CEP162: variants seen among roughly 807,000 people sequenced by gnomAD.
CEP162 encodes centrosomal protein of 162 kDa.
Under a neutral mutation model 169.2 loss-of-function variants are expected in CEP162, and 141 were observed. The ratio of observed to expected loss-of-function variants is 0.83; its 90% CI spans 0.73 to 0.96. The LOEUF (loss-of-function observed/expected upper bound fraction) is 0.96. Ranked by LOEUF, CEP162 falls within the 40% of genes least tolerant of loss-of-function variation. The probability of loss-of-function intolerance (pLI) is 0.00; values close to 1 mark genes in which losing one functional copy is unlikely to be tolerated. For synonymous variants in CEP162, 540 were observed against 526.4 expected, an observed-to-expected ratio of 1.03 and a Z score of -0.35; for missense variants, 1,600 against 1,587.2, an observed-to-expected ratio of 1.01 and a Z score of -0.14.
At chr6:84,211,731 G>A (rs1340556616) in intron 6 of CEP162, among the ~76,000 whole-genome samples, 1 of 151,650 alleles carries the variant, frequency 6.6e-6, no homozygotes, top group Non-Finnish European at 1.5e-5. Context: ...GGGTCAGAGG[G>A]CAGGAAGCGG....
chr6:84,140,177 T>C (rs1334062783), intron 25 of CEP162, among the ~76,000 whole-genome samples: 1 of 152,106 alleles, frequency 6.6e-6, no homozygotes, highest in East Asian at 1.9e-4. Flanking sequence ...TGACAAGTGG[T>C]GTTCTCTTTG....
intron 8 of CEP162, among the ~76,000 whole-genome samples, chr6:84,201,438 ATCT>A (rs1410997465): frequency 2.0e-5 from 3 of 152,106 alleles, no homozygotes; most frequent in Admixed American, 1.3e-4. Context: ...AACAAATATG[ATCT>A]TCTTCCGATG....
Position 84,124,803 on chromosome 6 carries a change from T to TGAAA in CEP162, c.*266_*267insTTTC, listed in dbSNP as rs2099508263. 1.9e-5 allele frequency: 8 copies of TGAAA among 416,862 alleles called. No homozygotes were observed. The highest frequency in any genetic ancestry group is 6.0e-4 in the Middle Eastern group (1 of 1,670). The allele number at this position is 416,862 out of a possible 1,614,324, so 25.8% of individuals were successfully genotyped here. A position where few individuals can be genotyped will look rare whatever the true frequency, so the allele number is the denominator to read the frequency against. ...TTCAATTTTCTTTTCTTTCTATTTC[T>TGAAA]AGCATACAAGTGAGCCCTTCTCTGC... On this transcript the variant is annotated 3_prime_UTR_variant, in exon 27 of 27. Transcript: ENST00000403245.
intron 3 of CEP162, chr6:84,219,316 T>C (rs2099552756): frequency 2.5e-6 from 1 of 403,398 alleles, no homozygotes; most frequent in South Asian, 2.0e-5. Context: ...AAGCTGACAT[T>C]GTCAAAGTTT....
At position 84,124,688 on chromosome 6, in the gene CEP162, A is replaced by G. The variant is rs2099508226; in HGVS notation, c.*382T>C. ...CCCAATTCCCACCATTATTCAATACACCCATGTTACAACAAGCACATGTAC... is the reference window on the plus strand; with the variant it reads ...CCCAATTCCCACCATTATTCAATACGCCCATGTTACAACAAGCACATGTAC... On this transcript the variant is annotated 3_prime_UTR_variant, in exon 27 of 27. Transcript: ENST00000403245. 3.9e-6 allele frequency: 1 copy of G among 257,314 alleles called. No individual in the cohort carries two copies. 15.9% of individuals were successfully genotyped at this position (257,314 alleles called of 1,614,324 possible).
chr6:84,193,053 C>A (rs1005761538), intron 11 of CEP162, among the ~76,000 whole-genome samples: 4 of 152,238 alleles, frequency 2.6e-5, no homozygotes, highest in Non-Finnish European at 4.4e-5. Context: ...GGAGACTGGA[C>A]ATGACATTTC....
intron 6 of CEP162, among the ~76,000 whole-genome samples, chr6:84,209,474 A>C (rs1215337972): frequency 6.6e-6 from 1 of 151,690 alleles, no homozygotes; most frequent in Admixed American, 6.6e-5. Context: ...TCCTGGGTCC[A>C]AGCAATTCTC....
intron 20 of CEP162, among the ~76,000 whole-genome samples, chr6:84,161,299 C>T (rs532725433): frequency 1.3e-5 from 2 of 152,188 alleles, no homozygotes; most frequent in Non-Finnish European, 2.9e-5. Context: ...TTGGCAGCTA[C>T]ATTAGGAAAG....
intron 7 of CEP162, among the ~76,000 whole-genome samples, chr6:84,202,174 G>A (rs2099544789): frequency 6.6e-6 from 1 of 152,086 alleles, no homozygotes. Context: ...CAAAATTAAT[G>A]ACTAAATCTT....
Position 84,204,946 on chromosome 6 carries a change from C to T in CEP162, c.572-850G>A, listed in dbSNP as rs2099546169. 3.0e-5 allele frequency among the ~76,000 whole-genome samples: 3 copies of T among 101,462 alleles called. No individual in the cohort carries two copies. In the African/African-American group the frequency reaches 4.5e-4, roughly 15 times the overall value. 66.6% of individuals were successfully genotyped at this position (101,462 alleles called of 152,430 possible). ...CACCATCGGAGAATACTATAAACAC[C>T]CCCTAAGCAAATAAACTAGAAAATC... On this transcript the variant is annotated intron_variant, in intron 6 of 26. Coordinates refer to ENST00000403245, the MANE Select transcript of CEP162 (RefSeq NM_014895.4).
Position 84,149,678 on chromosome 6 carries a change from T to C in CEP162, c.3655A>G (p.Ile1219Val), listed in dbSNP as rs1026753218. 6.3e-7 allele frequency: 1 copy of C among 1,581,526 alleles called. No individual in the cohort carries two copies. The highest frequency in any genetic ancestry group is 1.4e-5 in the African/African-American group (1 of 73,824). Residue 1219 changes from isoleucine to valine, a missense_variant, in exon 24 of 27, where the codon ATT becomes GTT. Transcript: ENST00000403245. ...TGATGAGATGCTTTGAGGGATGCAA[T>C]GTGTGCTGCAGTATCTTCCTTGACC... ...RRVKEDTAAH[I>V]ASLKASHQRE...
chr6:84,185,111 G>A, intron 13 of CEP162, 76 bp downstream of exon 13: 2 of 1,285,496 alleles, frequency 1.6e-6, no homozygotes, highest in Non-Finnish European at 2.1e-6. Flanking sequence ...CTTACAAATG[G>A]AATGTGGTAC....
chr6:84,146,426 A>G (rs2099518891), intron 25 of CEP162, among the ~76,000 whole-genome samples: 1 of 152,094 alleles, frequency 6.6e-6, no homozygotes, highest in Admixed American at 6.6e-5. Context: ...ACAAACAGAA[A>G]ACCCAAACAT....
chr6:84,176,614 C>T (rs73485339), intron 13 of CEP162, among the ~76,000 whole-genome samples: 5,628 of 152,176 alleles, frequency 0.037, 358 homozygotes, highest in African/African-American at 0.13. Context: ...GTCAACATGA[C>T]GCTCATAGAA....
At chr6:84,154,330 A>G (rs9449808) in intron 22 of CEP162, among the ~76,000 whole-genome samples, 26,857 of 149,258 alleles carry the variant, frequency 0.18, 4,720 homozygotes, top group African/African-American at 0.46. Flanking sequence ...CTATCTATCT[A>G]TCTGTCTGTC....
At chr6:84,133,219 G>A (rs2129186118) in intron 25 of CEP162, among the ~76,000 whole-genome samples, 1 of 152,270 alleles carries the variant, frequency 6.6e-6, no homozygotes, top group African/African-American at 2.4e-5. Context: ...CCTTCCTCTG[G>A]GAGCTTTGTC....
chr6:84,204,544 C>A (rs2099545961), intron 6 of CEP162, among the ~76,000 whole-genome samples: 1 of 152,066 alleles, frequency 6.6e-6, no homozygotes, highest in South Asian at 2.1e-4. Flanking sequence ...AACAAAGACA[C>A]AACATACCAG....
intron 26 of CEP162, among the ~76,000 whole-genome samples, chr6:84,125,561 G>C (rs1258189359): frequency 6.6e-6 from 1 of 152,026 alleles, no homozygotes; most frequent in Non-Finnish European, 1.5e-5. Flanking sequence ...AGATCATAAG[G>C]GTGGGGACTT....
In CEP162 at chr6:84,152,692, G is replaced by C. The variant is rs773670365; in HGVS notation, c.3482C>G (p.Pro1161Arg). The change falls in exon 23 of 27, where the codon CCA (proline) becomes CGA (arginine). Residue 1161 changes from proline (P) to arginine (R), a missense_variant. Coordinates refer to ENST00000403245, the MANE Select transcript of CEP162 (RefSeq NM_014895.4). Reference protein sequence around the residue: ...PGTLDSKLYQPHTFTDSHVSE... With the variant: ...PGTLDSKLYQRHTFTDSHVSE... Reference sequence around the variant, plus strand: ...AACATGGGAATCAGTGAAAGTATGTGGTTGGTACAGCTTGCTGTCCAGGGT... The same window carrying C: ...AACATGGGAATCAGTGAAAGTATGTCGTTGGTACAGCTTGCTGTCCAGGGT... 2.2e-5 allele frequency: 36 copies of C among 1,612,820 alleles called. No individual in the cohort carries two copies. Among genetic ancestry groups the C allele is most frequent in the Non-Finnish European group, 3.1e-5 (36 of 1,179,424 alleles).
Sources: allele counts gnomAD v4.1 joint callset (sites outside exome capture counted in the v4.1 genomes callset), GRCh38; gene constraint gnomAD v4.1.1; transcripts MANE v1.5; gene names NCBI Gene and HGNC (gene_info 2026-07-23, HGNC 2026-07-21).